The following AP3B1 variants were observed in gnomAD, a reference collection of about 807,000 sequenced individuals.
AP3B1 encodes the protein adaptor related protein complex 3 subunit beta 1.
A neutral mutation model predicts 132.5 loss-of-function variants in AP3B1; 61 were observed. The ratio of observed to expected loss-of-function variants is 0.46; its 90% CI spans 0.37 to 0.57. The LOEUF (loss-of-function observed/expected upper bound fraction) is 0.57. AP3B1 is among the 20% of genes least tolerant of loss of function. The probability of loss-of-function intolerance (pLI) is 0.00; values close to 1 mark genes in which losing one functional copy is unlikely to be tolerated. For missense variants in AP3B1, 1,120 were observed against 1,289.4 expected (o/e 0.87, Z 2.01); for synonymous variants, 388 against 438.3 (o/e 0.89, Z 1.43).
intron 3 of AP3B1, among the ~76,000 whole-genome samples, chr5:78,235,501 C>T (rs899246155): frequency 6.6e-6 from 1 of 152,124 alleles, no homozygotes; most frequent in African/African-American, 2.4e-5. Context: ...CAGAAGGTTG[C>T]GAAACACTAA....
intron 3 of AP3B1, 58 bp from the exon 4 acceptor site, chr5:78,228,297 G>C: frequency 1.7e-6 from 2 of 1,210,674 alleles, no homozygotes; most frequent in Non-Finnish European, 1.2e-6. Context: ...CTCAGTATTT[G>C]CTATACCAAA....
chr5:78,024,471 C>T (rs1747244706), intron 24 of AP3B1, among the ~76,000 whole-genome samples: 1 of 152,044 alleles, frequency 6.6e-6, no homozygotes, highest in Non-Finnish European at 1.5e-5. Context: ...CTCATTGCAG[C>T]CTCGACCTCC....
At position 78,046,223 on chromosome 5, in the gene AP3B1, G is replaced by A. The variant is rs78643515; in HGVS notation, c.2578-6949C>T. ...CCGGCCGCACAGCAGGAGGTGAGTG[G>A]CTGATGAGAGCAAGCATTACCGCCT... On this transcript the variant is annotated intron_variant, in intron 22 of 26. Coordinates refer to ENST00000255194, the MANE Select transcript of AP3B1 (RefSeq NM_003664.5). Among the ~76,000 whole-genome samples the A allele has an allele frequency of 5.7e-3, 869 of 152,292 alleles. 1 individual carries two copies. The highest frequency in any genetic ancestry group is 0.013 in the Admixed American group (197 of 15,300).
chr5:78,212,520 C>T (rs944483102), intron 7 of AP3B1, among the ~76,000 whole-genome samples: 1 of 151,922 alleles, frequency 6.6e-6, no homozygotes, highest in East Asian at 1.9e-4. Flanking sequence ...TAAAATGGCC[C>T]TTAATTCATC....
intron 24 of AP3B1, among the ~76,000 whole-genome samples, chr5:78,031,979 T>G (rs1747599076): frequency 6.6e-6 from 1 of 152,230 alleles, no homozygotes; most frequent in African/African-American, 2.4e-5. Flanking sequence ...GATCTGTTTA[T>G]GTACTGCACT....
chr5:78,284,515 A>C (rs975065276), intron 1 of AP3B1, among the ~76,000 whole-genome samples: 2 of 152,190 alleles, frequency 1.3e-5, no homozygotes, highest in African/African-American at 4.8e-5. Context: ...ATTTGTCCTA[A>C]AAGGACTATC....
intron 1 of AP3B1, among the ~76,000 whole-genome samples, chr5:78,268,152 T>C (rs1748404063): frequency 1.3e-5 from 2 of 152,174 alleles, no homozygotes; most frequent in African/African-American, 4.8e-5. Context: ...TCTGAGAACA[T>C]ACAACTACTA....
intron 22 of AP3B1, among the ~76,000 whole-genome samples, chr5:78,066,602 C>T (rs1749301063): frequency 6.6e-6 from 1 of 151,976 alleles, no homozygotes; most frequent in South Asian, 2.1e-4. Context: ...ATAAGACAGG[C>T]AGACAAAATT....
intron 14 of AP3B1, among the ~76,000 whole-genome samples, chr5:78,154,363 G>A (rs537923984): frequency 3.9e-5 from 6 of 152,126 alleles, no homozygotes; most frequent in Non-Finnish European, 8.8e-5. Context: ...TTCTCTTGCC[G>A]CTTTTAGGAT....
chr5:78,230,293 T>C (rs1288787175), intron 3 of AP3B1, among the ~76,000 whole-genome samples: 1 of 152,170 alleles, frequency 6.6e-6, no homozygotes, highest in Non-Finnish European at 1.5e-5. Flanking sequence ...AGATGATAAT[T>C]TTATAATCCA....
intron 25 of AP3B1, among the ~76,000 whole-genome samples, chr5:78,020,342 A>G (rs953118498): frequency 6.6e-6 from 1 of 152,116 alleles, no homozygotes. Flanking sequence ...GAAACATAAC[A>G]ATTATAGTGG....
At chr5:78,102,087 A>T (rs1751154523) in intron 20 of AP3B1, among the ~76,000 whole-genome samples, 1 of 152,114 alleles carries the variant, frequency 6.6e-6, no homozygotes, top group South Asian at 2.1e-4. Flanking sequence ...AATAACTTAT[A>T]ATTTACCAAA....
chr5:78,052,463 T>C (rs1748624174), intron 22 of AP3B1, among the ~76,000 whole-genome samples: 1 of 152,154 alleles, frequency 6.6e-6, no homozygotes, highest in South Asian at 2.1e-4. Flanking sequence ...AAAAGTAATA[T>C]GATTGTAACA....
At chr5:78,125,448 A>G (rs1752416286) in intron 17 of AP3B1, among the ~76,000 whole-genome samples, 1 of 152,198 alleles carries the variant, frequency 6.6e-6, no homozygotes, top group African/African-American at 2.4e-5. Context: ...GAAAACTAGA[A>G]TAACATAGTA....
intron 14 of AP3B1, among the ~76,000 whole-genome samples, chr5:78,153,383 G>A (rs1753750677): frequency 6.6e-6 from 1 of 151,104 alleles, no homozygotes; most frequent in Non-Finnish European, 1.5e-5. Context: ...GCTCTTTTTT[G>A]GTTTCTACCA....
intron 14 of AP3B1, among the ~76,000 whole-genome samples, chr5:78,155,863 T>G (rs1441126034): frequency 1.3e-5 from 2 of 151,986 alleles, no homozygotes; most frequent in Non-Finnish European, 2.9e-5. Flanking sequence ...TAAAATAATA[T>G]CTCAATTAAA....
chr5:78,170,507 A>G (rs905156024), intron 11 of AP3B1, among the ~76,000 whole-genome samples: 7 of 152,178 alleles, frequency 4.6e-5, no homozygotes, highest in Admixed American at 1.3e-4. Flanking sequence ...CTGATGACCA[A>G]TGAGGATGAG....
chr5:78,241,366 AT>A (rs1414843494), intron 2 of AP3B1, among the ~76,000 whole-genome samples: 5 of 151,884 alleles, frequency 3.3e-5, no homozygotes, highest in African/African-American at 1.2e-4. Flanking sequence ...TAATTTTCGA[AT>A]TTTTTTGTAG....
At chr5:78,164,040 C>T (rs1350539097) in intron 12 of AP3B1, among the ~76,000 whole-genome samples, 2 of 151,844 alleles carry the variant, frequency 1.3e-5, no homozygotes, top group African/African-American at 4.8e-5. Flanking sequence ...ATGGTACCAA[C>T]CAGGTGATTA....
Sources: gnomAD v4.1 joint callset for allele counts (sites outside exome capture counted in the v4.1 genomes callset) on GRCh38, gnomAD v4.1.1 for gene constraint, MANE v1.5 for transcripts, NCBI Gene and HGNC (gene_info 2026-07-23, HGNC 2026-07-21) for gene names.